DNTTIP1: variants seen among roughly 807,000 people sequenced by gnomAD.
DNTTIP1 encodes deoxynucleotidyltransferase terminal-interacting protein 1.
In DNTTIP1, 22 loss-of-function variants were observed where a neutral mutation model predicts 52.9. That is an observed-to-expected ratio of 0.42 (90% CI 0.30 to 0.59). DNTTIP1 has a LOEUF of 0.59. Among genes scored for constraint, DNTTIP1 ranks in the 20% least tolerant of loss-of-function variants. DNTTIP1 has a pLI of 0.22. For synonymous variants in DNTTIP1, 136 were observed against 155.1 expected (o/e 0.88, Z 0.92); for missense variants, 286 against 435.5 (o/e 0.66, Z 3.06).
intron 4 of DNTTIP1, among the ~76,000 whole-genome samples, chr20:45,799,346 G>C (rs1568707157): frequency 6.6e-6 from 1 of 152,216 alleles, no homozygotes. Flanking sequence ...AGAAAAGAGT[G>C]TTTCCAGAAG....
At position 45,801,104 on chromosome 20, in the gene DNTTIP1, G is replaced by T. The variant is rs1453539636; in HGVS notation, c.403G>T (p.Val135Leu). ...ACTGCTCTTTTCAGATGGAGAAAAA[G>T]TAATACCCAGATTGACCCATGAGCT... ...AKLLFSDGEK[V>L]IPRLTHELPG... Residue 135 changes from valine (V) to leucine (L), a missense_variant, in exon 5 of 13, where the codon GTA becomes TTA. Transcript: ENST00000372622. 1.9e-6 allele frequency: 3 copies of T among 1,614,114 alleles called. No homozygotes were observed. The Admixed American group carries it at 5.0e-5, about 27-fold the overall frequency.
chr20:45,800,144 C>G (rs1280422083), intron 4 of DNTTIP1, among the ~76,000 whole-genome samples: 1 of 150,382 alleles, frequency 6.6e-6, no homozygotes, highest in Non-Finnish European at 1.5e-5. Context: ...AAAAGAAAAA[C>G]AGCAGCTTAC....
At chr20:45,796,682 C>T (rs1435592614) in intron 4 of DNTTIP1, 2 of 397,508 alleles carry the variant, frequency 5.0e-6, no homozygotes, top group East Asian at 7.4e-5. Flanking sequence ...CGCCAATAGT[C>T]GCTGGCTCAC....
intron 11 of DNTTIP1, among the ~76,000 whole-genome samples, chr20:45,810,575 C>CT (rs57338956): frequency 1.0e-3 from 127 of 124,138 alleles, no homozygotes; most frequent in East Asian, 1.6e-3. Context: ...TTCTTTTTTT[C>CT]TTTTTTTTTT....
Position 45,793,974 on chromosome 20 carries a change from G to A in DNTTIP1, c.230G>A (p.Ser77Asn). Residue 77 changes from serine to asparagine, a missense_variant, in exon 3 of 13, where the codon AGC (serine) becomes AAC (asparagine). Physicochemically the swap from Ser to Asn is conservative, Grantham distance 46. Transcript: ENST00000372622. The part of the protein sequence containing the change: ...MDLLRAVLQP[S>N]INEEIQTVFN... Reference sequence around the variant, plus strand: ...CTCCTCCGAGCTGTCCTGCAGCCCAGCATCAACGAGGAGATCCAGACTGTC... The same window carrying A: ...CTCCTCCGAGCTGTCCTGCAGCCCAACATCAACGAGGAGATCCAGACTGTC... 1 of 1,601,068 alleles carries A rather than the reference G, an allele frequency of 6.2e-7. No individual in the cohort carries two copies. Among genetic ancestry groups the A allele is most frequent in the Non-Finnish European group, 8.5e-7 (1 of 1,173,678 alleles).
At chr20:45,798,698 T>C (rs1463048595) in intron 4 of DNTTIP1, among the ~76,000 whole-genome samples, 1 of 152,170 alleles carries the variant, frequency 6.6e-6, no homozygotes, top group Non-Finnish European at 1.5e-5. Flanking sequence ...CGGCTCCTTC[T>C]TTTCTTCAGA....
rs187877343 is a variant in DNTTIP1, at chr20:45,795,718, G to A, written c.372+275G>A. On this transcript the variant is annotated intron_variant, in intron 4 of 12. Transcript: ENST00000372622. ...GGAGCCATAGGCACGAGAATCGCTTGAACCTGGGAGACAGAGGTTGCGGTG... is the reference window on the plus strand; with the variant it reads ...GGAGCCATAGGCACGAGAATCGCTTAAACCTGGGAGACAGAGGTTGCGGTG... 3.3e-5 allele frequency among the ~76,000 whole-genome samples: 5 copies of A among 152,310 alleles called. No individual in the cohort carries two copies. In the East Asian group the frequency reaches 7.7e-4, roughly 23 times the overall value.
At chr20:45,800,758 TG>T (rs1981438105) in intron 4 of DNTTIP1, among the ~76,000 whole-genome samples, 2 of 118,874 alleles carry the variant, frequency 1.7e-5, no homozygotes, top group Non-Finnish European at 3.3e-5. Flanking sequence ...TATATATATT[TG>T]GAAGTGGGCC....
intron 4 of DNTTIP1, among the ~76,000 whole-genome samples, chr20:45,798,956 T>G (rs918782145): frequency 6.6e-6 from 1 of 152,182 alleles, no homozygotes; most frequent in South Asian, 2.1e-4. Context: ...AGGTGTGAAT[T>G]AGATTACCAA....
intron 4 of DNTTIP1, chr20:45,796,622 T>G (rs1981248467): frequency 2.2e-6 from 1 of 461,336 alleles, no homozygotes; most frequent in African/African-American, 2.0e-5. Context: ...CTGCTGTTAT[T>G]AGGAGGAATT....
In DNTTIP1 at chr20:45,809,399, A is replaced by T. The variant is rs1379713421; in HGVS notation, c.795+214A>T. Among the ~76,000 whole-genome samples the T allele has an allele frequency of 6.6e-6, 1 of 152,096 alleles. No homozygotes were observed. Among genetic ancestry groups the T allele is most frequent in the Admixed American group, 6.6e-5 (1 of 15,264 alleles). ...CCCTAGGTCTCCCTTCCGCCCCCTC[A>T]CACTTTTACCTCATGCCTCCAAGAT... is the stretch of plus-strand genomic sequence containing the variant. On this transcript the variant is annotated intron_variant, in intron 11 of 12. Coordinates refer to ENST00000372622, the MANE Select transcript of DNTTIP1 (RefSeq NM_052951.3). This position sits in a 1 kb window ranked among gnomAD's most constrained non-coding sequence, Gnocchi z 4.2.
chr20:45,792,447 C>G (rs1000728558), intron 1 of DNTTIP1: 1 of 501,696 alleles, frequency 2.0e-6, no homozygotes, highest in Admixed American at 3.8e-5. Context: ...TACTGCTTCC[C>G]TTCCTCCTGC....
chr20:45,794,539 C>T (rs1328094867), intron 3 of DNTTIP1, among the ~76,000 whole-genome samples: 2 of 151,880 alleles, frequency 1.3e-5, no homozygotes, highest in African/African-American at 2.4e-5. Flanking sequence ...TTGTCACGCA[C>T]GTGGTTTTTT....
In DNTTIP1 at chr20:45,809,093, T is replaced by TTAC. The variant is rs774493101; in HGVS notation, c.724-20_724-18dup. 1 of 1,613,124 alleles carries TTAC rather than the reference T, an allele frequency of 6.2e-7. No individual in the cohort carries two copies. The highest frequency in any genetic ancestry group is 2.2e-5 in the East Asian group (1 of 44,882). On this transcript the variant is annotated intron_variant, in intron 10 of 12. Transcript: ENST00000372622. The surrounding 1 kb of genome is among the most constrained non-coding windows in gnomAD (Gnocchi z 4.2). ...AGCCCCTTACCCGAGGCTAATTTTC[T>TTAC]TACAACTTCATTCCTTACAGTATGC... is the stretch of plus-strand genomic sequence containing the variant.
chr20:45,807,619 T>G (rs542764857), intron 10 of DNTTIP1, among the ~76,000 whole-genome samples: 1 of 152,288 alleles, frequency 6.6e-6, no homozygotes, highest in Admixed American at 6.5e-5. Flanking sequence ...GGTAAAAAGA[T>G]TCAGACGATA....
intron 11 of DNTTIP1, among the ~76,000 whole-genome samples, chr20:45,810,591 T>C (rs1332674473): frequency 8.9e-6 from 1 of 112,588 alleles, no homozygotes; most frequent in Non-Finnish European, 2.0e-5. Flanking sequence ...TTTTTTTTTT[T>C]CTTAATTTTC....
intron 3 of DNTTIP1, 42 bp from the exon 4 acceptor site, chr20:45,795,303 A>T: frequency 8.1e-7 from 1 of 1,238,064 alleles, no homozygotes; most frequent in Middle Eastern, 1.9e-4. Flanking sequence ...GTTGATGCAC[A>T]TTAACAGGAC....
chr20:45,792,568 C>T (rs1981064508), intron 1 of DNTTIP1, 109 bp from the exon 2 acceptor site: 2 of 808,014 alleles, frequency 2.5e-6, no homozygotes, highest in Admixed American at 2.8e-5. Flanking sequence ...GAGATGGTGA[C>T]GGATCTGAGA....
chr20:45,797,793 C>T (rs1406798076), intron 4 of DNTTIP1, among the ~76,000 whole-genome samples: 4 of 152,196 alleles, frequency 2.6e-5, no homozygotes, highest in African/African-American at 9.7e-5. Flanking sequence ...TACCATCTTA[C>T]ACCAGTTAGA....
Sources: allele counts gnomAD v4.1 joint callset (sites outside exome capture counted in the v4.1 genomes callset), GRCh38; gene constraint gnomAD v4.1.1; non-coding constraint Gnocchi (gnomAD v3.1); transcripts MANE v1.5; gene names NCBI Gene and HGNC (gene_info 2026-07-23, HGNC 2026-07-21).